ENOX1: variants seen among roughly 807,000 people sequenced by gnomAD.
ENOX1 encodes ecto-NOX disulfide-thiol exchanger 1.
A neutral mutation model predicts 82.5 loss-of-function variants in ENOX1; 42 were observed. That is an observed-to-expected ratio of 0.51 (90% CI 0.40 to 0.66). The LOEUF is 0.66. ENOX1 is among the 30% of genes least tolerant of loss of function. The probability of loss-of-function intolerance (pLI) is 0.00; values close to 1 mark genes in which losing one functional copy is unlikely to be tolerated. For synonymous variants in ENOX1, 271 were observed against 282.2 expected (o/e 0.96, Z 0.40); for missense variants, 608 against 811.6 (o/e 0.75, Z 3.05).
At chr13:43,754,344 T>C (rs1950527926) in intron 1 of ENOX1, among the ~76,000 whole-genome samples, 1 of 147,714 alleles carries the variant, frequency 6.8e-6, no homozygotes, top group Non-Finnish European at 1.5e-5. Flanking sequence ...TATATTATTA[T>C]TATTATTTAT....
intron 1 of ENOX1, among the ~76,000 whole-genome samples, chr13:43,720,775 G>A (rs2153817921): frequency 6.6e-6 from 1 of 152,256 alleles, no homozygotes; most frequent in African/African-American, 2.4e-5. Context: ...CATGAAGACA[G>A]AATTCCAGTG....
At chr13:43,399,651 T>C (rs2053376795) in intron 5 of ENOX1, among the ~76,000 whole-genome samples, 1 of 152,204 alleles carries the variant, frequency 6.6e-6, no homozygotes, top group Non-Finnish European at 1.5e-5. Flanking sequence ...ATTCCCTCCT[T>C]CTTTACAGAC....
intron 2 of ENOX1, among the ~76,000 whole-genome samples, chr13:43,529,114 T>C (rs1039276155): frequency 2.6e-5 from 4 of 152,014 alleles, no homozygotes; most frequent in Non-Finnish European, 5.9e-5. Context: ...TTAGTTTCAC[T>C]TTTTTGCGCT....
intron 1 of ENOX1, among the ~76,000 whole-genome samples, chr13:43,683,874 T>A (rs2085923244): frequency 6.6e-6 from 1 of 152,020 alleles, no homozygotes; most frequent in African/African-American, 2.4e-5. Context: ...TGTCAGCCAC[T>A]GAACCATGTG....
chr13:43,433,537 A>G (rs2055813356), intron 3 of ENOX1, among the ~76,000 whole-genome samples: 1 of 152,176 alleles, frequency 6.6e-6, no homozygotes, highest in Non-Finnish European at 1.5e-5. Flanking sequence ...AGTGCTCTAA[A>G]AGAATTGTCT....
intron 2 of ENOX1, among the ~76,000 whole-genome samples, chr13:43,632,213 G>T (rs2083246554): frequency 6.6e-6 from 1 of 151,764 alleles, no homozygotes. Context: ...ACTTTTCATT[G>T]CCATCTGATC....
rs144373912 is a variant in ENOX1 at position 43,248,576 on chromosome 13, A to G, written c.1612-11838T>C. On this transcript the variant is annotated intron_variant, in intron 14 of 16. Transcript: ENST00000690772. ...TTTTAATTTTTTTGGAGACCAAACC[A>G]TAAGCTTATAACCTTTTTTCCTTTC... Among the ~76,000 whole-genome samples the G allele has an allele frequency of 3.2e-3, 483 of 152,234 alleles. 4 individuals are homozygous for G. In the East Asian group the frequency reaches 0.04, roughly 12 times the overall value.
chr13:43,266,828 T>G (rs2044399161), intron 13 of ENOX1, among the ~76,000 whole-genome samples: 1 of 152,188 alleles, frequency 6.6e-6, no homozygotes, highest in Admixed American at 6.5e-5. Flanking sequence ...GTCCTGTAGC[T>G]TGTGCTCCCA....
chr13:43,541,171 C>CTTTTTTTTTTTTTTTTTTTTT (rs1555317884), intron 2 of ENOX1, among the ~76,000 whole-genome samples: 1 of 38,758 alleles, frequency 2.6e-5, no homozygotes, highest in Non-Finnish European at 6.1e-5. Flanking sequence ...CTTCTTCCCT[C>CTTTTTTTTTTTTTTTTTTTTT]TGTTTTTTTT....
intron 1 of ENOX1, among the ~76,000 whole-genome samples, chr13:43,747,011 G>A (rs1950057056): frequency 1.3e-5 from 2 of 152,182 alleles, no homozygotes; most frequent in Non-Finnish European, 2.9e-5. Flanking sequence ...GCAGCCAAAA[G>A]TGTTTCAGCT....
chr13:43,350,019 G>T (rs1027909607), intron 8 of ENOX1, among the ~76,000 whole-genome samples: 2 of 152,126 alleles, frequency 1.3e-5, no homozygotes, highest in African/African-American at 4.8e-5. Flanking sequence ...TTCTACAGGG[G>T]GTGGGAAACT....
At chr13:43,490,193 C>T (rs1295319749) in intron 2 of ENOX1, among the ~76,000 whole-genome samples, 2 of 152,174 alleles carry the variant, frequency 1.3e-5, no homozygotes, top group East Asian at 1.9e-4. Flanking sequence ...ACACCTGCCT[C>T]GGCCTCCCAA....
At chr13:43,247,770 T>G (rs1249443047) in intron 14 of ENOX1, among the ~76,000 whole-genome samples, 1 of 132,570 alleles carries the variant, frequency 7.5e-6, no homozygotes, top group Non-Finnish European at 1.6e-5. Context: ...GTACCTATAA[T>G]CTCTACAGAG....
intron 2 of ENOX1, among the ~76,000 whole-genome samples, chr13:43,627,672 T>C (rs1464225478): frequency 6.6e-6 from 1 of 152,100 alleles, no homozygotes; most frequent in Non-Finnish European, 1.5e-5. Context: ...AAGCTTAATG[T>C]TTACCCATGT....
At chr13:43,617,127 T>C (rs560301047) in intron 2 of ENOX1, among the ~76,000 whole-genome samples, 28 of 152,332 alleles carry the variant, frequency 1.8e-4, no homozygotes, top group African/African-American at 6.3e-4. Flanking sequence ...AAACCACTGA[T>C]ACACCTTTTT....
In ENOX1 at chr13:43,325,749, G is replaced by A. The variant is rs4616182; in HGVS notation, c.1143+670C>T. ...TACTTTTAAATTACAGGTTCAAAGC[G>A]TACACTACTCTGTGGAGTTAAAAAT... On this transcript the variant is annotated intron_variant, in intron 10 of 16. Coordinates refer to ENST00000690772, the MANE Select transcript of ENOX1 (RefSeq NM_001347969.2). Among the ~76,000 whole-genome samples, 231 of 152,160 alleles carry A rather than the reference G, an allele frequency of 1.5e-3. 2 individuals carry two copies. Among genetic ancestry groups the A allele is most frequent in the Non-Finnish European group, 2.9e-3 (196 of 68,004 alleles).
intron 3 of ENOX1, among the ~76,000 whole-genome samples, chr13:43,420,612 A>G (rs1049284646): frequency 9.2e-5 from 14 of 152,174 alleles, no homozygotes; most frequent in Non-Finnish European, 1.8e-4. Context: ...GAGGGGAAAG[A>G]AAGGAGGGAT....
intron 2 of ENOX1, among the ~76,000 whole-genome samples, chr13:43,632,637 G>A (rs2153751464): frequency 6.6e-6 from 1 of 151,950 alleles, no homozygotes; most frequent in Admixed American, 6.6e-5. Flanking sequence ...AGTAGAGATG[G>A]AGTTTCACCA....
intron 1 of ENOX1, among the ~76,000 whole-genome samples, chr13:43,698,635 C>CAAG (rs1397884657): frequency 6.6e-6 from 1 of 151,964 alleles, no homozygotes; most frequent in East Asian, 1.9e-4. Flanking sequence ...TTTATTGAGG[C>CAAG]AAGAAGTAAA....
Sources: gnomAD v4.1 joint callset for allele counts (sites outside exome capture counted in the v4.1 genomes callset) on GRCh38, gnomAD v4.1.1 for gene constraint, MANE v1.5 for transcripts, NCBI Gene and HGNC (gene_info 2026-07-23, HGNC 2026-07-21) for gene names.